The following RAD51B variants were observed in gnomAD, a reference collection of about 807,000 sequenced individuals.
The protein encoded by RAD51B is RAD51 paralog B.
RAD51B carries 38 observed loss-of-function variants against 42.2 expected under a neutral mutation model. The observed-to-expected ratio is 0.90, with a 90% CI of 0.70 to 1.18. RAD51B has a LOEUF of 1.18. Ranked by LOEUF, RAD51B falls within the 50% of genes most tolerant of loss-of-function variation. RAD51B has a pLI of 0.00. For synonymous variants in RAD51B, 154 were observed against 145.2 expected (o/e 1.06, Z -0.43); for missense variants, 373 against 400.7 (o/e 0.93, Z 0.59).
chr14:68,400,744 ATTTCT>A (rs1594783996), intron 8 of RAD51B, among the ~76,000 whole-genome samples: 2 of 152,168 alleles, frequency 1.3e-5, no homozygotes, highest in African/African-American at 2.4e-5. Context: ...AGTGCCACAG[ATTTCT>A]TTAAATGGTT....
chr14:68,013,563 A>G (rs2075723764), intron 7 of RAD51B, among the ~76,000 whole-genome samples: 1 of 152,208 alleles, frequency 6.6e-6, no homozygotes, highest in African/African-American at 2.4e-5. Context: ...TACTGTAAAT[A>G]CTAAACAAAT....
chr14:68,498,808 CA>C (rs1159819820), intron 10 of RAD51B, among the ~76,000 whole-genome samples: 2 of 152,054 alleles, frequency 1.3e-5, no homozygotes, highest in Non-Finnish European at 2.9e-5. Flanking sequence ...TTGGAAGAAA[CA>C]AAAAATGCAT....
chr14:68,654,873 G>A (rs1176206812), intron 11 of RAD51B, among the ~76,000 whole-genome samples: 1 of 152,096 alleles, frequency 6.6e-6, no homozygotes, highest in Non-Finnish European at 1.5e-5. Context: ...ATGCTCCCCA[G>A]CCCAATGGAA....
intron 7 of RAD51B, among the ~76,000 whole-genome samples, chr14:67,966,707 G>A (rs747944324): frequency 3.3e-5 from 5 of 152,160 alleles, no homozygotes; most frequent in African/African-American, 7.2e-5. Context: ...GTATGTGTAC[G>A]TGTGTGCTTG....
intron 7 of RAD51B, among the ~76,000 whole-genome samples, chr14:68,241,172 T>C (rs1388694373): frequency 6.6e-6 from 1 of 152,268 alleles, no homozygotes; most frequent in Non-Finnish European, 1.5e-5. Context: ...GGTTGGAACC[T>C]AGAATCTAAA....
intron 10 of RAD51B, among the ~76,000 whole-genome samples, chr14:68,511,194 A>T (rs1235513108): frequency 6.6e-6 from 1 of 152,216 alleles, no homozygotes; most frequent in African/African-American, 2.4e-5. Flanking sequence ...ATTTACAGGC[A>T]GCATAAAGTG....
intron 10 of RAD51B, among the ~76,000 whole-genome samples, chr14:68,486,975 A>G (rs1883671882): frequency 6.6e-6 from 1 of 151,962 alleles, no homozygotes; most frequent in South Asian, 2.1e-4. Flanking sequence ...GATTACCAAC[A>G]CCTTCTCTTA....
chr14:68,448,459 G>T (rs2085474521), intron 9 of RAD51B, among the ~76,000 whole-genome samples: 1 of 152,152 alleles, frequency 6.6e-6, no homozygotes, highest in Non-Finnish European at 1.5e-5. Flanking sequence ...GGGCCATTTA[G>T]CTTCTTATGG....
At chr14:68,146,952 AC>A (rs995985926) in intron 7 of RAD51B, among the ~76,000 whole-genome samples, 2 of 152,196 alleles carry the variant, frequency 1.3e-5, no homozygotes, top group African/African-American at 4.8e-5. Flanking sequence ...ATCAAATATG[AC>A]CAGGAAATAG....
At chr14:68,418,147 A>G (rs547799357) in intron 9 of RAD51B, among the ~76,000 whole-genome samples, 2 of 152,354 alleles carry the variant, frequency 1.3e-5, no homozygotes, top group African/African-American at 4.8e-5. Context: ...ATCATTTTTT[A>G]TCAAATATAG....
At chr14:68,280,114 C>CT (rs1896375711) in intron 7 of RAD51B, among the ~76,000 whole-genome samples, 5 of 152,346 alleles carry the variant, frequency 3.3e-5, no homozygotes, top group Admixed American at 2.6e-4. Context: ...AGTCTGTGTC[C>CT]TTTCCCTTGC....
intron 9 of RAD51B, among the ~76,000 whole-genome samples, chr14:68,440,537 G>A (rs952299485): frequency 3.9e-5 from 6 of 152,112 alleles, no homozygotes; most frequent in Admixed American, 3.9e-4. Flanking sequence ...CTGAGGTCAC[G>A]AGTTCGAGAC....
intron 8 of RAD51B, among the ~76,000 whole-genome samples, chr14:68,369,079 T>C (rs921570707): frequency 7.2e-5 from 11 of 152,348 alleles, no homozygotes; most frequent in Admixed American, 5.9e-4. Flanking sequence ...CCAGCTCTTT[T>C]CCCTGAAGCT....
At chr14:68,637,991 A>G (rs182177400) in intron 10 of RAD51B, among the ~76,000 whole-genome samples, 13 of 152,378 alleles carry the variant, frequency 8.5e-5, no homozygotes, top group Middle Eastern at 3.4e-3. Context: ...GGCAGGGCCC[A>G]GAAACTTTGG....
At chr14:67,892,487 A>G (rs1356044768) in intron 7 of RAD51B, among the ~76,000 whole-genome samples, 1 of 152,210 alleles carries the variant, frequency 6.6e-6, no homozygotes, top group African/African-American at 2.4e-5. Context: ...TTATGCAGGC[A>G]AGGGTTAATT....
intron 8 of RAD51B, among the ~76,000 whole-genome samples, chr14:68,382,236 C>T (rs2083493251): frequency 6.6e-6 from 1 of 152,220 alleles, no homozygotes; most frequent in Non-Finnish European, 1.5e-5. Flanking sequence ...AGCATTTCTG[C>T]CTCTTCCCAC....
chr14:67,901,345 G>A (rs547972275), intron 7 of RAD51B, among the ~76,000 whole-genome samples: 1 of 152,346 alleles, frequency 6.6e-6, no homozygotes. Context: ...CTGTGCCTAA[G>A]TTGGGATGGT....
chr14:67,937,167 T>C (rs2044985309), intron 7 of RAD51B, among the ~76,000 whole-genome samples: 1 of 152,200 alleles, frequency 6.6e-6, no homozygotes, highest in Non-Finnish European at 1.5e-5. Context: ...TTGTCTTTTA[T>C]TGAAATTCAA....
At chr14:68,428,272 T>C (rs951899811) in intron 9 of RAD51B, among the ~76,000 whole-genome samples, 3 of 152,248 alleles carry the variant, frequency 2.0e-5, no homozygotes, top group African/African-American at 7.2e-5. Context: ...GTAATTGTAA[T>C]AATAATCCTT....
Sources: gnomAD v4.1 joint callset for allele counts (sites outside exome capture counted in the v4.1 genomes callset) on GRCh38, gnomAD v4.1.1 for gene constraint, MANE v1.5 for transcripts, NCBI Gene and HGNC (gene_info 2026-07-23, HGNC 2026-07-21) for gene names.